Variants in TAPT1 observed in about 807,000 individuals in gnomAD.
The protein encoded by TAPT1 is transmembrane anterior posterior transformation protein 1 homolog.
Under a neutral mutation model 65.6 loss-of-function variants are expected in TAPT1, and 28 were observed. That is an observed-to-expected ratio of 0.43 (90% CI 0.32 to 0.59). The LOEUF (loss-of-function observed/expected upper bound fraction) is 0.59. Ranked by LOEUF, TAPT1 falls within the 20% of genes least tolerant of loss-of-function variation. TAPT1 has a pLI of 0.09. For synonymous variants in TAPT1, 278 were observed against 245.2 expected (o/e 1.13, Z -1.25); for missense variants, 563 against 679.9 (o/e 0.83, Z 1.91).
intron 2 of TAPT1, among the ~76,000 whole-genome samples, chr4:16,212,778 A>T (rs1201425316): frequency 6.6e-6 from 1 of 152,238 alleles, no homozygotes; most frequent in African/African-American, 2.4e-5. Flanking sequence ...CCTAATACAG[A>T]ACTCCCTAAA....
upstream of TAPT1, chr4:16,227,170 C>T (rs1175651501): frequency 2.2e-6 from 1 of 455,970 alleles, no homozygotes; most frequent in Admixed American, 2.3e-5. Context: ...TGGGCAGCTT[C>T]ACAACAGGTG....
intron 3 of TAPT1, among the ~76,000 whole-genome samples, chr4:16,196,491 A>G (rs1374374274): frequency 6.6e-6 from 1 of 152,242 alleles, no homozygotes; most frequent in Non-Finnish European, 1.5e-5. Context: ...ATGTGGACAA[A>G]GCTTTAAGAC....
intron 1 of TAPT1, among the ~76,000 whole-genome samples, chr4:16,218,005 G>A (rs1751038422): frequency 6.6e-6 from 1 of 152,182 alleles, no homozygotes; most frequent in East Asian, 1.9e-4. Context: ...CTAAGTGCAA[G>A]GAAAGAAATT....
chr4:16,208,921 T>C (rs1392266289), intron 2 of TAPT1, among the ~76,000 whole-genome samples: 2 of 152,166 alleles, frequency 1.3e-5, no homozygotes, highest in Non-Finnish European at 2.9e-5. Context: ...TGGAGTACAG[T>C]TGCATGATCT....
chr4:16,174,547 A>G, intron 10 of TAPT1, 123 bp downstream of exon 10: 1 of 830,432 alleles, frequency 1.2e-6, no homozygotes. Flanking sequence ...TTGAGAATAG[A>G]GATCAGTAGG....
At chr4:16,171,000 T>C (rs1398113910) in intron 11 of TAPT1, among the ~76,000 whole-genome samples, 1 of 152,216 alleles carries the variant, frequency 6.6e-6, no homozygotes, top group Non-Finnish European at 1.5e-5. Context: ...GTGGACTCTC[T>C]AAGTTCGGCC....
intron 2 of TAPT1, among the ~76,000 whole-genome samples, chr4:16,212,715 C>T (rs1228522118): frequency 6.6e-6 from 1 of 152,238 alleles, no homozygotes; most frequent in African/African-American, 2.4e-5. Context: ...AATCAAACCA[C>T]TGCCATATTT....
Position 16,161,528 on chromosome 4 carries a change from G to A in TAPT1, c.*1780C>T, listed in dbSNP as rs1023728099. 1 of 152,718 alleles carries A rather than the reference G, an allele frequency of 6.5e-6. No individual in the cohort carries two copies. The highest frequency in any genetic ancestry group is 6.5e-5 in the Admixed American group (1 of 15,306). 9.5% of individuals were successfully genotyped at this position (152,718 alleles called of 1,614,324 possible). A position where few individuals can be genotyped will look rare whatever the true frequency, so the allele number is the denominator to read the frequency against. On this transcript the variant is annotated 3_prime_UTR_variant, in exon 14 of 14. Coordinates refer to ENST00000405303, the MANE Select transcript of TAPT1 (RefSeq NM_153365.3). Reference sequence around the variant, plus strand: ...TGAAATCAGGGTTGTGTTTGGCAAAGCTTTCCCCAAACTATTCCATTCACG... The same window carrying A: ...TGAAATCAGGGTTGTGTTTGGCAAAACTTTCCCCAAACTATTCCATTCACG...
intron 12 of TAPT1, among the ~76,000 whole-genome samples, chr4:16,169,480 G>T (rs902457402): frequency 1.3e-5 from 2 of 152,184 alleles, no homozygotes; most frequent in Non-Finnish European, 2.9e-5. Flanking sequence ...GAAAAGGAAG[G>T]TCTTAATGTT....
At chr4:16,168,537 C>T (rs1204262954) in intron 12 of TAPT1, among the ~76,000 whole-genome samples, 2 of 152,196 alleles carry the variant, frequency 1.3e-5, no homozygotes, top group Non-Finnish European at 2.9e-5. Flanking sequence ...TTCTGCTGAG[C>T]CTACGCTCTT....
At chr4:16,174,797 T>C in intron 9 of TAPT1, 68 bp from the exon 10 acceptor site, 1 of 1,109,330 alleles carries the variant, frequency 9.0e-7, no homozygotes, top group Non-Finnish European at 1.3e-6. Context: ...AGACTGCAAC[T>C]TTATTAATAA....
intron 8 of TAPT1, chr4:16,179,201 C>T (rs1289070601): frequency 1.9e-5 from 3 of 160,634 alleles, no homozygotes; most frequent in Non-Finnish European, 2.7e-5. Flanking sequence ...TAACCACACA[C>T]CCAGACTATA....
Position 16,174,290 on chromosome 4 carries a change from C to T in TAPT1, c.1168-18G>A. The T allele has an allele frequency of 1.9e-6, 3 of 1,586,502 alleles. No individual in the cohort carries two copies. Among genetic ancestry groups the T allele is most frequent in the Non-Finnish European group, 2.6e-6 (3 of 1,165,704 alleles). On this transcript the variant is annotated intron_variant, in intron 10 of 13. Coordinates refer to ENST00000405303, the MANE Select transcript of TAPT1 (RefSeq NM_153365.3). ...GTGTATGCCTGAACAGAGAAAGAAG[C>T]AAAAGATTCAGATTTATGGGATTTA... is the stretch of plus-strand genomic sequence containing the variant.
Position 16,179,658 on chromosome 4 carries a change from C to T in TAPT1, c.917-1G>A, listed in dbSNP as rs1298084168. 1 of 1,505,384 alleles carries T rather than the reference C, an allele frequency of 6.6e-7. No individual in the cohort carries two copies. Among genetic ancestry groups the T allele is most frequent in the Non-Finnish European group, 8.9e-7 (1 of 1,120,566 alleles). The allele number at this position is 1,505,384 out of a possible 1,614,324, so 93.3% of individuals were successfully genotyped here. A position where few individuals can be genotyped will look rare whatever the true frequency, so the allele number is the denominator to read the frequency against. On this transcript the variant is annotated splice_acceptor_variant, in intron 7 of 13. Coordinates refer to ENST00000405303, the MANE Select transcript of TAPT1 (RefSeq NM_153365.3). LOFTEE classifies it high-confidence loss of function. ...TAATTTGTGAATCGTTCCTTAATAT[C>T]TAAAAGAAAAAAAATCAACATAAGT...
At chr4:16,189,746 A>C (rs1408519098) in intron 4 of TAPT1, among the ~76,000 whole-genome samples, 1 of 152,194 alleles carries the variant, frequency 6.6e-6, no homozygotes, top group East Asian at 1.9e-4. Flanking sequence ...TACGTATATA[A>C]ATCATTTTAG....
chr4:16,169,865 T>A (rs1195059925), intron 12 of TAPT1, among the ~76,000 whole-genome samples: 1 of 152,202 alleles, frequency 6.6e-6, no homozygotes, highest in Non-Finnish European at 1.5e-5. Context: ...TCTAAGCCAA[T>A]CCACCGCTCA....
At chr4:16,174,450 T>A (rs376104582) in intron 10 of TAPT1, 178 bp from the exon 11 acceptor site, 4 of 691,576 alleles carry the variant, frequency 5.8e-6, no homozygotes, top group Non-Finnish European at 9.6e-6. Flanking sequence ...AAATACAAAG[T>A]TGAATAACTT....
chr4:16,188,169 G>C, intron 5 of TAPT1, 51 bp downstream of exon 5: 1 of 1,490,984 alleles, frequency 6.7e-7, no homozygotes, highest in Non-Finnish European at 9.0e-7. Context: ...AATAAAATAA[G>C]GTAGACTATG....
intron 4 of TAPT1, among the ~76,000 whole-genome samples, chr4:16,188,869 G>A (rs1427524460): frequency 2.6e-5 from 4 of 151,104 alleles, no homozygotes; most frequent in Non-Finnish European, 5.9e-5. Context: ...GCAGTGAGCC[G>A]AGATTGCGCC....
Sources: allele counts gnomAD v4.1 joint callset (sites outside exome capture counted in the v4.1 genomes callset), GRCh38; gene constraint gnomAD v4.1.1; transcripts MANE v1.5; gene names NCBI Gene and HGNC (gene_info 2026-07-23, HGNC 2026-07-21).